CDC42SE2: variants seen among roughly 807,000 people sequenced by gnomAD.
CDC42SE2 encodes the protein CDC42 small effector 2.
In CDC42SE2, 3 loss-of-function variants were observed where a neutral mutation model predicts 11.5. That is an observed-to-expected ratio of 0.26 (90% CI 0.12 to 0.67). CDC42SE2 has a LOEUF of 0.67. Among genes scored for constraint, CDC42SE2 ranks in the 30% least tolerant of loss-of-function variants. CDC42SE2 has a pLI of 0.80. For missense variants in CDC42SE2, 82 were observed against 106.8 expected, an observed-to-expected ratio of 0.77 and a Z score of 1.02; for synonymous variants, 33 against 34.8, an observed-to-expected ratio of 0.95 and a Z score of 0.18.
the CDC42SE2 span, among the ~76,000 whole-genome samples, chr5:131,213,947 T>G: frequency 1.3e-5 from 2 of 152,186 alleles, no homozygotes; most frequent in African/African-American, 4.8e-5. Flanking sequence ...CAACCAAGAT[T>G]AACTGAATAC....
chr5:131,244,866 G>C (rs1035624114), upstream of CDC42SE2, among the ~76,000 whole-genome samples: 1 of 152,116 alleles, frequency 6.6e-6, no homozygotes, highest in Non-Finnish European at 1.5e-5. Flanking sequence ...TTGAAAATGT[G>C]TATTTTTTAT....
At chr5:131,305,431 G>T (rs1422847651) in intron 1 of CDC42SE2, among the ~76,000 whole-genome samples, 1 of 152,294 alleles carries the variant, frequency 6.6e-6, no homozygotes, top group Middle Eastern at 3.4e-3. Context: ...AAGCAAGTAC[G>T]TATATAGATT....
intron 1 of CDC42SE2, among the ~76,000 whole-genome samples, chr5:131,292,849 C>T (rs1030339144): frequency 1.5e-5 from 2 of 130,036 alleles, no homozygotes; most frequent in Non-Finnish European, 3.1e-5. Context: ...GAGATTGAGG[C>T]TGCAGTGAGC....
intron 1 of CDC42SE2, among the ~76,000 whole-genome samples, chr5:131,274,701 T>G (rs964878614): frequency 6.6e-6 from 1 of 152,180 alleles, no homozygotes; most frequent in Admixed American, 6.5e-5. Context: ...ACGTCCTGCT[T>G]GTCTGATTTC....
At chr5:131,376,882 A>G (rs1391257970) in intron 3 of CDC42SE2, among the ~76,000 whole-genome samples, 1 of 152,140 alleles carries the variant, frequency 6.6e-6, no homozygotes, top group Non-Finnish European at 1.5e-5. Flanking sequence ...TTCTTTATCC[A>G]GTCTACCACT....
At chr5:131,387,494 G>A (rs1048510781) in intron 4 of CDC42SE2, among the ~76,000 whole-genome samples, 1 of 152,210 alleles carries the variant, frequency 6.6e-6, no homozygotes, top group South Asian at 2.1e-4. Flanking sequence ...GGAGGTTGCA[G>A]TGAGCTGAGA....
chr5:131,384,966 T>C (rs929898966), intron 3 of CDC42SE2, among the ~76,000 whole-genome samples: 1 of 149,560 alleles, frequency 6.7e-6, no homozygotes, highest in Non-Finnish European at 1.5e-5. Context: ...CCAGCCTAGT[T>C]AGTCAACAGG....
At chr5:131,293,534 T>C (rs932461606) in intron 1 of CDC42SE2, among the ~76,000 whole-genome samples, 2 of 142,990 alleles carry the variant, frequency 1.4e-5, no homozygotes, top group African/African-American at 5.3e-5. Flanking sequence ...ATCAGGCCAC[T>C]GCACTCTAGC....
intron 4 of CDC42SE2, among the ~76,000 whole-genome samples, chr5:131,386,128 T>C (rs1216851925): frequency 1.3e-4 from 20 of 152,200 alleles, no homozygotes; most frequent in Admixed American, 1.3e-3. Context: ...AGTTTTTCCA[T>C]GGGGGAAATG....
At chr5:131,335,409 G>T (rs1283510949) in intron 2 of CDC42SE2, among the ~76,000 whole-genome samples, 1 of 152,150 alleles carries the variant, frequency 6.6e-6, no homozygotes, top group Non-Finnish European at 1.5e-5. Context: ...TTTTGGAATA[G>T]GTGTGGTGTG....
chr5:131,249,014 C>CTTTT lies in CDC42SE2; in HGVS notation n.107+3433_107+3436dup, dbSNP rs35929101. On this transcript the variant is annotated intron_variant and non_coding_transcript_variant, in intron 1 of 3. Coordinates refer to the CDC42SE2 transcript ENST00000502840. ...GTGTCCATGAATAGCCAGGTTACATCTTTTTTTTTTTTTTTTTTTTTGATA... is the reference window on the plus strand; with the variant it reads ...GTGTCCATGAATAGCCAGGTTACATCTTTTTTTTTTTTTTTTTTTTTTTTTGATA... Among the ~76,000 whole-genome samples, 464 of 116,008 alleles carry CTTTT rather than the reference C, an allele frequency of 4.0e-3. 11 individuals are homozygous for CTTTT. The highest frequency in any genetic ancestry group is 0.013 in the African/African-American group (387 of 30,244). 76.1% of individuals were successfully genotyped at this position (116,008 alleles called of 152,430 possible).
intron 1 of CDC42SE2, among the ~76,000 whole-genome samples, chr5:131,250,509 T>G (rs894318054): frequency 1.3e-4 from 20 of 152,092 alleles, no homozygotes; most frequent in African/African-American, 4.8e-4. Context: ...TATATGACAT[T>G]CTGGAAAAGG....
intron 1 of CDC42SE2, among the ~76,000 whole-genome samples, chr5:131,302,078 C>G (rs1757694996): frequency 6.6e-6 from 1 of 152,128 alleles, no homozygotes; most frequent in South Asian, 2.1e-4. Context: ...GAGATCTTGG[C>G]TCACTGCAAC....
At chr5:131,315,388 A>G (rs1758020456) in intron 1 of CDC42SE2, among the ~76,000 whole-genome samples, 1 of 152,190 alleles carries the variant, frequency 6.6e-6, no homozygotes, top group African/African-American at 2.4e-5. Context: ...GACAATACTA[A>G]AATGTTCCCT....
the CDC42SE2 span, among the ~76,000 whole-genome samples, chr5:131,231,295 C>G: frequency 6.6e-6 from 1 of 152,012 alleles, no homozygotes; most frequent in African/African-American, 2.4e-5. Flanking sequence ...CTTTTTGAAT[C>G]TGTTTCTGGA....
At chr5:131,359,598 C>A in intron 3 of CDC42SE2, 51 bp downstream of exon 3, 1 of 1,323,972 alleles carries the variant, frequency 7.6e-7, no homozygotes, top group Non-Finnish European at 1.1e-6. Context: ...TTAAACTTTC[C>A]ACTGGTTCTC....
At chr5:131,299,276 G>T (rs1429735583) in intron 1 of CDC42SE2, among the ~76,000 whole-genome samples, 1 of 152,154 alleles carries the variant, frequency 6.6e-6, no homozygotes, top group African/African-American at 2.4e-5. Flanking sequence ...TAGCCAAAAT[G>T]GGGAACAAAT....
At chr5:131,255,910 G>A (rs943261487) in intron 2 of CDC42SE2, among the ~76,000 whole-genome samples, 1 of 152,120 alleles carries the variant, frequency 6.6e-6, no homozygotes, top group African/African-American at 2.4e-5. Flanking sequence ...AATTATGCAA[G>A]CATTATTATA....
At chr5:131,326,291 G>A (rs1317075279) in intron 2 of CDC42SE2, among the ~76,000 whole-genome samples, 1 of 152,056 alleles carries the variant, frequency 6.6e-6, no homozygotes, top group Non-Finnish European at 1.5e-5. Context: ...TTTTAATAGA[G>A]ACGGGGTTTC....
Sources: allele counts gnomAD v4.1 joint callset (sites outside exome capture counted in the v4.1 genomes callset), GRCh38; gene constraint gnomAD v4.1.1; transcripts MANE v1.5; gene names NCBI Gene and HGNC (gene_info 2026-07-23, HGNC 2026-07-21).